CNTNAP2: variants seen among roughly 807,000 people sequenced by gnomAD.
The protein encoded by CNTNAP2 is contactin-associated protein-like 2.
A neutral mutation model predicts 155.2 loss-of-function variants in CNTNAP2; 98 were observed. The ratio of observed to expected loss-of-function variants is 0.63; its 90% CI spans 0.54 to 0.75. The LOEUF (loss-of-function observed/expected upper bound fraction) is 0.75. Ranked by LOEUF, CNTNAP2 falls within the 30% of genes least tolerant of loss-of-function variation. The probability of loss-of-function intolerance (pLI) is 0.00; values close to 1 mark genes in which losing one functional copy is unlikely to be tolerated. For synonymous variants in CNTNAP2, 651 were observed against 631.2 expected, an observed-to-expected ratio of 1.03 and a Z score of -0.47; for missense variants, 1,727 against 1,688.1, an observed-to-expected ratio of 1.02 and a Z score of -0.40.
In CNTNAP2 at chr7:147,868,572, A is replaced by G. The variant is rs1799272233; in HGVS notation, c.2099-34993A>G. Among the ~76,000 whole-genome samples the G allele has an allele frequency of 2.0e-5, 3 of 152,202 alleles. No individual in the cohort carries two copies. The South Asian group carries it at 6.2e-4, about 31-fold the overall frequency. On this transcript the variant is annotated intron_variant, in intron 13 of 23. Transcript: ENST00000361727. ...CCTTTTCTTGAGCTATGCCCTGCCC[A>G]CAGAGGTGGAGTCTATAGAGGCAGT...
At chr7:147,312,234 C>T (rs970723118) in intron 9 of CNTNAP2, among the ~76,000 whole-genome samples, 1 of 151,980 alleles carries the variant, frequency 6.6e-6, no homozygotes, top group African/African-American at 2.4e-5. Context: ...ATATTTTCTA[C>T]TCCTCCTGGG....
intron 1 of CNTNAP2, among the ~76,000 whole-genome samples, chr7:146,499,761 A>T (rs922214374): frequency 1.1e-4 from 16 of 152,184 alleles, no homozygotes; most frequent in African/African-American, 3.9e-4. Flanking sequence ...TAATTCTGCA[A>T]GAATAGCCAC....
intron 10 of CNTNAP2, among the ~76,000 whole-genome samples, chr7:147,453,694 A>G (rs997660526): frequency 6.6e-5 from 10 of 152,162 alleles, no homozygotes; most frequent in Non-Finnish European, 8.8e-5. Context: ...CTAGAATTGA[A>G]ATAATAAGTT....
At chr7:148,016,808 C>A (rs980801308) in intron 15 of CNTNAP2, among the ~76,000 whole-genome samples, 1 of 152,112 alleles carries the variant, frequency 6.6e-6, no homozygotes, top group Non-Finnish European at 1.5e-5. Flanking sequence ...TAAGTTATAG[C>A]ATTTTAATGG....
chr7:147,167,487 G>A, intron 8 of CNTNAP2: 1 of 955,148 alleles, frequency 1.0e-6, no homozygotes, highest in Non-Finnish European at 1.6e-6. Flanking sequence ...CCCACTGGAG[G>A]TTGCCATGGA....
intron 13 of CNTNAP2, among the ~76,000 whole-genome samples, chr7:147,777,149 G>T (rs1239123638): frequency 6.6e-6 from 1 of 151,980 alleles, no homozygotes; most frequent in Non-Finnish European, 1.5e-5. Flanking sequence ...ACAGATTTCT[G>T]TTCTGTACTC....
rs112124662 is a variant in CNTNAP2, at chr7:146,589,009, C to A, written c.98-185262C>A. On this transcript the variant is annotated intron_variant, in intron 1 of 23. Transcript: ENST00000361727. ...TCACTATAATTATTACAGGTCACCT[C>A]ATTCACTGTCTTTCCTTTTCCTTAG... Among the ~76,000 whole-genome samples the A allele has an allele frequency of 6.2e-3, 937 of 152,266 alleles. 5 individuals carry two copies. The highest frequency in any genetic ancestry group is 0.014 in the Middle Eastern group (4 of 294).
chr7:147,767,500 T>C (rs1385382908), intron 13 of CNTNAP2, among the ~76,000 whole-genome samples: 2 of 152,132 alleles, frequency 1.3e-5, no homozygotes, highest in African/African-American at 4.8e-5. Flanking sequence ...AGATGTGTAA[T>C]CATTTGCAAA....
chr7:146,161,511 G>A (rs113249833), intron 1 of CNTNAP2, among the ~76,000 whole-genome samples: 2,319 of 152,260 alleles, frequency 0.015, 51 homozygotes, highest in African/African-American at 0.052. Context: ...CGAAATAAAA[G>A]AGGACACAAA....
chr7:147,875,157 AGTACACCATTTCCCG>A (rs1563120245), intron 13 of CNTNAP2, among the ~76,000 whole-genome samples: 1 of 152,182 alleles, frequency 6.6e-6, no homozygotes, highest in African/African-American at 2.4e-5. Flanking sequence ...TCTTTATATC[AGTACACCATTTCCCG>A]GTACCAATTT....
At chr7:148,162,879 A>G (rs1013633893) in intron 17 of CNTNAP2, among the ~76,000 whole-genome samples, 4 of 152,230 alleles carry the variant, frequency 2.6e-5, no homozygotes, top group African/African-American at 4.8e-5. Flanking sequence ...ATGTGCCTGT[A>G]ACCCCAGCTA....
At chr7:146,969,230 A>G (rs1358469213) in intron 3 of CNTNAP2, among the ~76,000 whole-genome samples, 2 of 152,064 alleles carry the variant, frequency 1.3e-5, no homozygotes, top group African/African-American at 2.4e-5. Context: ...TTTACTTCCA[A>G]CTATGTGGTC....
At chr7:146,170,736 G>A (rs888045816) in intron 1 of CNTNAP2, among the ~76,000 whole-genome samples, 1 of 152,060 alleles carries the variant, frequency 6.6e-6, no homozygotes, top group Non-Finnish European at 1.5e-5. Flanking sequence ...GATTAAGAGT[G>A]ATTCATAAGT....
At chr7:146,601,157 G>A (rs909995060) in intron 1 of CNTNAP2, among the ~76,000 whole-genome samples, 4 of 152,060 alleles carry the variant, frequency 2.6e-5, no homozygotes, top group Non-Finnish European at 4.4e-5. Flanking sequence ...AGAGTGACTA[G>A]AATATTGTTT....
intron 8 of CNTNAP2, among the ~76,000 whole-genome samples, chr7:147,144,605 A>G (rs1039346790): frequency 2.0e-5 from 3 of 152,206 alleles, no homozygotes; most frequent in Non-Finnish European, 4.4e-5. Flanking sequence ...ATCGGCATAC[A>G]TAGCAAATGG....
intron 9 of CNTNAP2, among the ~76,000 whole-genome samples, chr7:147,333,994 T>C (rs1191524198): frequency 1.3e-5 from 2 of 152,156 alleles, no homozygotes; most frequent in African/African-American, 2.4e-5. Flanking sequence ...TTGTTTTCTG[T>C]ATGCCAAAGC....
intron 8 of CNTNAP2, among the ~76,000 whole-genome samples, chr7:147,182,109 G>A (rs1048963310): frequency 5.5e-5 from 7 of 127,066 alleles, no homozygotes; most frequent in Non-Finnish European, 8.1e-5. Context: ...CTGGGCAAGA[G>A]AGTGAGACTC....
In CNTNAP2 at chr7:146,219,761, C is replaced by T. The variant is rs117112126; in HGVS notation, c.97+102788C>T. ...CAAAGAATGTTTTAACATACTGTGA[C>T]CAATAATGTCAGAGCTGATGGCAGC... On this transcript the variant is annotated intron_variant, in intron 1 of 23. Transcript: ENST00000361727. 9.6e-3 allele frequency among the ~76,000 whole-genome samples: 1,456 copies of T among 152,248 alleles called. 73 individuals carry two copies. The highest frequency in any genetic ancestry group is 0.076 in the Admixed American group (1,159 of 15,270).
Position 146,258,399 on chromosome 7 carries a change from C to T in CNTNAP2, c.97+141426C>T, listed in dbSNP as rs1042331349. 3.9e-5 allele frequency among the ~76,000 whole-genome samples: 6 copies of T among 151,998 alleles called. No homozygotes were observed. In the South Asian group the frequency reaches 8.3e-4, roughly 21 times the overall value. ...ATTTTACTATTTTATTATCTAAGTA[C>T]AGAACAATCAAATTTTCAGAAAATG... On this transcript the variant is annotated intron_variant, in intron 1 of 23. Transcript: ENST00000361727.
Sources: allele counts gnomAD v4.1 joint callset (sites outside exome capture counted in the v4.1 genomes callset), GRCh38; gene constraint gnomAD v4.1.1; transcripts MANE v1.5; gene names NCBI Gene and HGNC (gene_info 2026-07-23, HGNC 2026-07-21).